Variants in PXMP2 observed in about 807,000 individuals in gnomAD.
PXMP2 encodes the protein 22 kDa peroxisomal membrane protein.
In PXMP2, 13 loss-of-function variants were observed where a neutral mutation model predicts 20.2. That is an observed-to-expected ratio of 0.64 (90% CI 0.42 to 1.02). PXMP2 has a LOEUF of 1.02. Ranked by LOEUF, PXMP2 falls within the 50% of genes least tolerant of loss-of-function variation. The pLI is 0.00. For synonymous variants in PXMP2, 113 were observed against 111.2 expected, an observed-to-expected ratio of 1.02 and a Z score of -0.10; for missense variants, 284 against 251.8, an observed-to-expected ratio of 1.13 and a Z score of -0.87.
At chr12:132,703,517 TGA>T (rs1418647465) in intron 4 of PXMP2, among the ~76,000 whole-genome samples, 1 of 152,062 alleles carries the variant, frequency 6.6e-6, no homozygotes, top group African/African-American at 2.4e-5. Flanking sequence ...CCCTCTGTGA[TGA>T]GAGAGGAGAG....
intron 3 of PXMP2, among the ~76,000 whole-genome samples, chr12:132,699,892 A>AT (rs2043429296): frequency 6.6e-6 from 1 of 152,094 alleles, no homozygotes; most frequent in African/African-American, 2.4e-5. Flanking sequence ...CAGTAGTGGG[A>AT]TTGCTGGATC....
chr12:132,701,401 A>ATT, intron 4 of PXMP2, 32 bp downstream of exon 4: 1 of 1,607,436 alleles, frequency 6.2e-7, no homozygotes, highest in South Asian at 1.1e-5. Context: ...CTCTGCTAAC[A>ATT]TTACTTTGTC....
intron 2 of PXMP2, among the ~76,000 whole-genome samples, chr12:132,695,452 C>T (rs1348773147): frequency 6.6e-6 from 1 of 152,244 alleles, no homozygotes; most frequent in African/African-American, 2.4e-5. Flanking sequence ...CTGTTCTGGG[C>T]ACTGCAGTGG....
chr12:132,699,707 T>C (rs1010724656), intron 3 of PXMP2, among the ~76,000 whole-genome samples: 1 of 152,008 alleles, frequency 6.6e-6, no homozygotes, highest in Admixed American at 6.6e-5. Flanking sequence ...GTTCATTCTT[T>C]TTTTTATAGC....
At chr12:132,698,001 A>C (rs1183340127) in intron 3 of PXMP2, among the ~76,000 whole-genome samples, 8 of 149,206 alleles carry the variant, frequency 5.4e-5, no homozygotes, top group Non-Finnish European at 1.2e-4. Context: ...TGTGTGTCTG[A>C]GACGTGTCAC....
At chr12:132,701,554 C>A in intron 4 of PXMP2, 185 bp downstream of exon 4, 1 of 828,656 alleles carries the variant, frequency 1.2e-6, no homozygotes, top group Non-Finnish European at 1.8e-6. Context: ...GGATTTTGCC[C>A]ATGACCCTGA....
chr12:132,694,507 TAGTTA>T (rs1353438337), intron 2 of PXMP2, among the ~76,000 whole-genome samples: 1 of 86,346 alleles, frequency 1.2e-5, no homozygotes, highest in Non-Finnish European at 2.7e-5. Context: ...CCTTGCCAGT[TAGTTA>T]AGTGAGCGCC....
intron 4 of PXMP2, 122 bp from the exon 5 acceptor site, chr12:132,704,497 T>C (rs906983880): frequency 3.2e-5 from 22 of 680,258 alleles, no homozygotes; most frequent in Non-Finnish European, 4.6e-5. Context: ...AATGCAGTAA[T>C]GGATGGGTGG....
rs1565991925 is a variant in PXMP2 at position 132,695,916 on chromosome 12, T to C, written c.269T>C (p.Phe90Ser). 3 of 1,609,542 alleles carry C rather than the reference T, an allele frequency of 1.9e-6. No homozygotes were observed. The highest frequency in any genetic ancestry group is 2.5e-6 in the Non-Finnish European group (3 of 1,177,948). The stretch of plus-strand genomic sequence containing the variant: ...TTCACAGGGCCGCTGAGTCACTTCT[T>C]CTACTTCTTCATGGAACATTGGATC... ...FFFTGPLSHF[F>S]YFFMEHWIPP... Residue 90 changes from phenylalanine to serine, a missense_variant, in exon 3 of 5, where the codon TTC (phenylalanine) becomes TCC (serine). Coordinates refer to ENST00000317479, the MANE Select transcript of PXMP2 (RefSeq NM_018663.3).
intron 1 of PXMP2, among the ~76,000 whole-genome samples, chr12:132,688,441 A>C (rs375887673): frequency 3.0e-4 from 1 of 3,310 alleles, no homozygotes; most frequent in Admixed American, 3.1e-3. Context: ...GGGCGCGGGT[A>C]AAGACAGGGC....
intron 4 of PXMP2, 169 bp downstream of exon 4, chr12:132,701,538 A>G (rs1477341714): frequency 5.3e-6 from 5 of 935,092 alleles, no homozygotes; most frequent in African/African-American, 1.8e-5. Context: ...CTCCTCAACT[A>G]CCCTTGGATT....
chr12:132,687,718 G>A lies in PXMP2; in HGVS notation c.48G>A (p.Ala16=). 3 of 1,209,460 alleles carry A rather than the reference G, an allele frequency of 2.5e-6. No individual in the cohort carries two copies. The highest frequency in any genetic ancestry group is 2.8e-5 in the South Asian group (1 of 35,158). The allele number at this position is 1,209,460 out of a possible 1,614,324, so 74.9% of individuals were successfully genotyped here. A position where few individuals can be genotyped will look rare whatever the true frequency, so the allele number is the denominator to read the frequency against. The change falls in exon 1 of 5, where the codon GCG becomes GCA. Residue 16 remains alanine (A), a synonymous_variant. Coordinates refer to ENST00000317479, the MANE Select transcript of PXMP2 (RefSeq NM_018663.3). ...TGCGGGCCGAAGCCGGGCTCGGGGC[G>A]CTGCCGCGGCGGGCGCTCGCCCAGT... ...SRLRAEAGLG[A]LPRRALAQYL... is the part of the protein sequence containing the mutation.
At chr12:132,704,581 C>T (rs2043459772) in intron 4 of PXMP2, 38 bp from the exon 5 acceptor site, 1 of 1,396,188 alleles carries the variant, frequency 7.2e-7, no homozygotes, top group Non-Finnish European at 9.4e-7. Flanking sequence ...CCACGGCCTC[C>T]CGCTGACCGT....
intron 1 of PXMP2, among the ~76,000 whole-genome samples, chr12:132,689,303 A>C (rs971680871): frequency 1.7e-4 from 26 of 151,088 alleles, no homozygotes; most frequent in Non-Finnish European, 1.0e-4. Context: ...GCGGGTCCGC[A>C]CGGCGCGGGT....
Position 132,701,389 on chromosome 12 carries a change from G to A in PXMP2, c.519+20G>A. 6.2e-7 allele frequency: 1 copy of A among 1,610,978 alleles called. No homozygotes were observed. The highest frequency in any genetic ancestry group is 8.5e-7 in the Non-Finnish European group (1 of 1,179,530). On this transcript the variant is annotated intron_variant, in intron 4 of 4. Transcript: ENST00000317479. ...CTGAAGGTGAGGGCCACGGGGCTCA[G>A]CCTCTGCTAACATTACTTTGTCAGC...
chr12:132,701,269 T>C lies in PXMP2; in HGVS notation c.419T>C (p.Phe140Ser). The C allele has an allele frequency of 1.2e-6, 2 of 1,613,466 alleles. No individual in the cohort carries two copies. The highest frequency in any genetic ancestry group is 1.7e-6 in the Non-Finnish European group (2 of 1,179,862). ...TTGCAGGGGAAAGACGCCTCAGCCT[T>C]CGCCGCCAAGATGAGGGGGGGCTTC... ...NFLEGKDASA[F>S]AAKMRGGFWP... The change falls in exon 4 of 5, where the codon TTC becomes TCC. Residue 140 changes from phenylalanine to serine, a missense_variant. By Grantham distance (155) the Phe-to-Ser change is radical. Transcript: ENST00000317479.
intron 2 of PXMP2, among the ~76,000 whole-genome samples, chr12:132,695,065 CAGTT>C (rs1340256362): frequency 6.6e-6 from 1 of 150,640 alleles, no homozygotes; most frequent in African/African-American, 2.5e-5. Context: ...GTGCCCTTGC[CAGTT>C]AGTTAGTGAG....
chr12:132,704,765 C>T lies in PXMP2; in HGVS notation c.*78C>T. ...CCCGCCCAGCGAGAGCAGAACCAATCCAGTCAGGATGTCACTGACTCTAAA... is the reference window on the plus strand; with the variant it reads ...CCCGCCCAGCGAGAGCAGAACCAATTCAGTCAGGATGTCACTGACTCTAAA... On this transcript the variant is annotated 3_prime_UTR_variant, in exon 5 of 5. Transcript: ENST00000317479. 1.5e-6 allele frequency: 2 copies of T among 1,367,810 alleles called. No homozygotes were observed. Among genetic ancestry groups the T allele is most frequent in the Non-Finnish European group, 1.0e-6 (1 of 961,362 alleles). The allele number at this position is 1,367,810 out of a possible 1,614,324, so 84.7% of individuals were successfully genotyped here.
intron 3 of PXMP2, among the ~76,000 whole-genome samples, chr12:132,697,706 GTATTT>G (rs1026707616): frequency 2.4e-4 from 37 of 152,060 alleles, no homozygotes; most frequent in African/African-American, 7.7e-4. Context: ...GCGCCCAGCC[GTATTT>G]TATTTTATAG....
Sources: allele counts gnomAD v4.1 joint callset (sites outside exome capture counted in the v4.1 genomes callset), GRCh38; gene constraint gnomAD v4.1.1; transcripts MANE v1.5; gene names NCBI Gene and HGNC (gene_info 2026-07-23, HGNC 2026-07-21).